Variants in IKZF5 observed in about 807,000 individuals in gnomAD.
IKZF5 encodes the protein zinc finger protein Pegasus.
IKZF5 carries 4 observed loss-of-function variants against 30.7 expected under a neutral mutation model. That is an observed-to-expected ratio of 0.13 (90% CI 0.06 to 0.30). The LOEUF (loss-of-function observed/expected upper bound fraction) is 0.30. Among genes scored for constraint, IKZF5 ranks in the 10% least tolerant of loss-of-function variants. The pLI is 1.00. For synonymous variants in IKZF5, 148 were observed against 179.6 expected, an observed-to-expected ratio of 0.82 and a Z score of 1.41; for missense variants, 348 against 525.5, an observed-to-expected ratio of 0.66 and a Z score of 3.30.
chr10:122,996,903 A>C (rs1256907438), intron 3 of IKZF5, among the ~76,000 whole-genome samples: 1 of 152,140 alleles, frequency 6.6e-6, no homozygotes, highest in Non-Finnish European at 1.5e-5. Flanking sequence ...CCCTAACTCT[A>C]TTTATTTTAG....
In IKZF5 at chr10:122,992,688, T is replaced by C. The variant is rs888404998; in HGVS notation, c.*1092A>G. ...CAGTTTCGTCACTGTACATGAAGAC[T>C]GGTAAAACTGCAAATAAGAATTACA... On this transcript the variant is annotated 3_prime_UTR_variant, in exon 5 of 5. Coordinates refer to ENST00000368886, the MANE Select transcript of IKZF5 (RefSeq NM_001372123.1). 4.6e-5 allele frequency: 7 copies of C among 152,228 alleles called. No homozygotes were observed. The highest frequency in any genetic ancestry group is 1.0e-4 in the Non-Finnish European group (7 of 68,018). 9.4% of individuals were successfully genotyped at this position (152,228 alleles called of 1,614,324 possible).
Position 122,993,755 on chromosome 10 carries a change from C to G in IKZF5, c.*25G>C, listed in dbSNP as rs1374265170. ...AAACCAAACCACAAAAACAGCAAAA[C>G]TAAGTAAAATATGACTATTTTCAAT... On this transcript the variant is annotated 3_prime_UTR_variant, in exon 5 of 5. Transcript: ENST00000368886. 1 of 1,513,482 alleles carries G rather than the reference C, an allele frequency of 6.6e-7. No individual in the cohort carries two copies. The highest frequency in any genetic ancestry group is 2.3e-5 in the East Asian group (1 of 43,986). 93.8% of individuals were successfully genotyped at this position (1,513,482 alleles called of 1,614,324 possible). A position where few individuals can be genotyped will look rare whatever the true frequency, so the allele number is the denominator to read the frequency against.
intron 2 of IKZF5, among the ~76,000 whole-genome samples, chr10:123,004,533 C>CA (rs1028177214): frequency 6.6e-5 from 10 of 151,788 alleles, no homozygotes; most frequent in African/African-American, 2.4e-4. Context: ...CATATTTTGA[C>CA]AGTCTTGGCT....
At chr10:123,001,343 T>A (rs1477335638) in intron 2 of IKZF5, among the ~76,000 whole-genome samples, 1 of 152,184 alleles carries the variant, frequency 6.6e-6, no homozygotes, top group Admixed American at 6.5e-5. Flanking sequence ...GAACAGAAGT[T>A]CTTAATATAG....
rs1849931380 is a variant in IKZF5 at position 123,008,756 on chromosome 10, T to C, written c.-260A>G. The C allele has an allele frequency of 1.7e-6, 1 of 599,592 alleles. No homozygotes were observed. The highest frequency in any genetic ancestry group is 3.0e-6 in the Non-Finnish European group (1 of 335,660). The allele number at this position is 599,592 out of a possible 1,614,324, so 37.1% of individuals were successfully genotyped here. A position where few individuals can be genotyped will look rare whatever the true frequency, so the allele number is the denominator to read the frequency against. On this transcript the variant is annotated 5_prime_UTR_variant, in exon 1 of 5. Transcript: ENST00000368886. ...TTAAATGCCGTCGCCGCCGCCGCCG[T>C]CTTCGTCACCGTCACAGTCGCCGCC...
rs1002496540 is a variant in IKZF5 at position 123,007,090 on chromosome 10, T to C, written c.-111A>G. 2.6e-5 allele frequency: 4 copies of C among 152,202 alleles called. No individual in the cohort carries two copies. Among genetic ancestry groups the C allele is most frequent in the Non-Finnish European group, 4.4e-5 (3 of 68,038 alleles). 9.4% of individuals were successfully genotyped at this position (152,202 alleles called of 1,614,324 possible). On this transcript the variant is annotated 5_prime_UTR_variant, in exon 2 of 5. Coordinates refer to ENST00000368886, the MANE Select transcript of IKZF5 (RefSeq NM_001372123.1). The stretch of plus-strand genomic sequence containing the variant: ...CCAACATTGATGAAATGTAGAGTAA[T>C]TGAAATTTACTTCGGAGATACAGCA...
At chr10:123,001,235 C>T (rs558991819) in intron 2 of IKZF5, among the ~76,000 whole-genome samples, 16 of 152,008 alleles carry the variant, frequency 1.1e-4, no homozygotes, top group African/African-American at 3.4e-4. Flanking sequence ...CTCGATCTCC[C>T]GACCTTGTGA....
At chr10:123,003,354 G>A (rs2133417194) in intron 2 of IKZF5, among the ~76,000 whole-genome samples, 1 of 152,150 alleles carries the variant, frequency 6.6e-6, no homozygotes, top group Admixed American at 6.5e-5. Flanking sequence ...AAGAGGATGA[G>A]ATTGTGAGTT....
Position 122,993,663 on chromosome 10 carries a change from A to C in IKZF5, c.*117T>G, listed in dbSNP as rs1355340224. ...TTCCACTGACAAATTTATATTCTATAAATATAATGTATAAGCCTTGAATTA... is the reference window on the plus strand; with the variant it reads ...TTCCACTGACAAATTTATATTCTATCAATATAATGTATAAGCCTTGAATTA... On this transcript the variant is annotated 3_prime_UTR_variant, in exon 5 of 5. Transcript: ENST00000368886. The C allele has an allele frequency of 1.7e-6, 1 of 587,464 alleles. No homozygotes were observed. Among genetic ancestry groups the C allele is most frequent in the African/African-American group, 2.0e-5 (1 of 50,520 alleles). The allele number at this position is 587,464 out of a possible 1,614,324, so 36.4% of individuals were successfully genotyped here.
Sources: gnomAD v4.1 joint callset for allele counts (sites outside exome capture counted in the v4.1 genomes callset) on GRCh38, gnomAD v4.1.1 for gene constraint, MANE v1.5 for transcripts, NCBI Gene and HGNC (gene_info 2026-07-23, HGNC 2026-07-21) for gene names.